The following ADARB2 variants were observed in gnomAD, a reference collection of about 807,000 sequenced individuals.
The protein encoded by ADARB2 is adenosine deaminase RNA specific B2 (inactive).
Under a neutral mutation model 62.2 loss-of-function variants are expected in ADARB2, and 25 were observed. That is an observed-to-expected ratio of 0.40 (90% CI 0.29 to 0.56). The LOEUF (loss-of-function observed/expected upper bound fraction) is 0.56, where lower values mean the gene tolerates loss of function less well. Ranked by LOEUF, ADARB2 falls within the 20% of genes least tolerant of loss-of-function variation. The pLI is 0.43. For synonymous variants in ADARB2, 572 were observed against 500.8 expected (o/e 1.14, Z -1.90); for missense variants, 1,071 against 1,077.4 (o/e 0.99, Z 0.08).
At chr10:1,610,804 A>T (rs985046455) in intron 1 of ADARB2, among the ~76,000 whole-genome samples, 16 of 144,762 alleles carry the variant, frequency 1.1e-4, no homozygotes, top group Admixed American at 3.4e-4. Context: ...GCACATGCAC[A>T]CATACAGACA....
chr10:1,697,960 G>C (rs1024286547), intron 1 of ADARB2, among the ~76,000 whole-genome samples: 1 of 152,230 alleles, frequency 6.6e-6, no homozygotes, highest in Non-Finnish European at 1.5e-5. Flanking sequence ...GGAATGGATA[G>C]TTTCTTATGC....
chr10:1,186,008 A>G (rs1836752544), intron 8 of ADARB2, among the ~76,000 whole-genome samples: 1 of 152,132 alleles, frequency 6.6e-6, no homozygotes, highest in Non-Finnish European at 1.5e-5. Context: ...CTGCCACAAG[A>G]TGTCTGGAAA....
chr10:1,508,060 C>A (rs143319587), intron 1 of ADARB2, among the ~76,000 whole-genome samples: 1 of 152,330 alleles, frequency 6.6e-6, no homozygotes, highest in Non-Finnish European at 1.5e-5. Flanking sequence ...GGAGATCACA[C>A]AATTCCCGAG....
intron 1 of ADARB2, among the ~76,000 whole-genome samples, chr10:1,727,839 CTT>C (rs894826828): frequency 3.9e-5 from 6 of 152,190 alleles, no homozygotes; most frequent in Middle Eastern, 3.2e-3. Flanking sequence ...ATGCCTCACT[CTT>C]TGCCTGTCTC....
intron 1 of ADARB2, among the ~76,000 whole-genome samples, chr10:1,577,688 T>G (rs2813378): frequency 0.32 from 47,992 of 151,884 alleles, 7,742 homozygotes; most frequent in African/African-American, 0.36. Context: ...AGCCCCACCA[T>G]CCCTGCCGCA....
At chr10:1,697,071 T>C (rs1188090505) in intron 1 of ADARB2, among the ~76,000 whole-genome samples, 1 of 152,104 alleles carries the variant, frequency 6.6e-6, no homozygotes, top group Non-Finnish European at 1.5e-5. Flanking sequence ...AGCCAAAAGA[T>C]TGGACACCCC....
chr10:1,390,993 T>A (rs1295254065), intron 1 of ADARB2, among the ~76,000 whole-genome samples: 1 of 152,198 alleles, frequency 6.6e-6, no homozygotes, highest in Admixed American at 6.5e-5. Context: ...CAACACCTGC[T>A]TTTTGGCTCA....
intron 1 of ADARB2, among the ~76,000 whole-genome samples, chr10:1,388,905 T>G (rs1832546414): frequency 6.6e-6 from 1 of 152,180 alleles, no homozygotes; most frequent in South Asian, 2.1e-4. Context: ...CGAAACAATA[T>G]TGATACTGCA....
At position 1,589,512 on chromosome 10, in the gene ADARB2, C is replaced by T. The variant is rs1436190559; in HGVS notation, c.100+147539G>A. ...ATGGTCAGGACATCCACGGTCGGGG[C>T]GTCCATGGTCCAGGCGTCCACAGTC... On this transcript the variant is annotated intron_variant, in intron 1 of 9. Coordinates refer to ENST00000381312, the MANE Select transcript of ADARB2 (RefSeq NM_018702.4). 2.0e-5 allele frequency among the ~76,000 whole-genome samples: 3 copies of T among 152,028 alleles called. No homozygotes were observed. The South Asian group carries it at 6.2e-4, about 32-fold the overall frequency.
At chr10:1,646,334 A>G (rs1009146934) in intron 1 of ADARB2, among the ~76,000 whole-genome samples, 3 of 152,206 alleles carry the variant, frequency 2.0e-5, no homozygotes, top group Non-Finnish European at 4.4e-5. Context: ...CACCCAGACC[A>G]TGTGCATCTT....
At chr10:1,629,542 CA>C (rs1465008738) in intron 1 of ADARB2, among the ~76,000 whole-genome samples, 2 of 132,308 alleles carry the variant, frequency 1.5e-5, no homozygotes, top group African/African-American at 5.5e-5. Context: ...CCCCAGTACT[CA>C]AACCCCCCCA....
At chr10:1,423,470 A>G (rs1046982013) in intron 1 of ADARB2, among the ~76,000 whole-genome samples, 3 of 152,122 alleles carry the variant, frequency 2.0e-5, no homozygotes, top group East Asian at 3.9e-4. Context: ...CTGCGTGTTC[A>G]TGGTGCTAGG....
intron 1 of ADARB2, among the ~76,000 whole-genome samples, chr10:1,608,330 C>A (rs544924481): frequency 1.3e-5 from 2 of 152,292 alleles, no homozygotes; most frequent in African/African-American, 4.8e-5. Context: ...GCCTGTGCTG[C>A]TGCTGAGATG....
intron 1 of ADARB2, among the ~76,000 whole-genome samples, chr10:1,575,805 C>T (rs1290145244): frequency 6.6e-6 from 1 of 152,152 alleles, no homozygotes; most frequent in Non-Finnish European, 1.5e-5. Context: ...TGGGGCAGTG[C>T]CAGGGTCGTT....
At chr10:1,404,427 C>T (rs540075002) in intron 1 of ADARB2, among the ~76,000 whole-genome samples, 16 of 152,340 alleles carry the variant, frequency 1.1e-4, no homozygotes, top group East Asian at 9.6e-4. Flanking sequence ...GCCCATTTGC[C>T]GGCTGCCATC....
At chr10:1,548,240 T>C (rs925721478) in intron 1 of ADARB2, among the ~76,000 whole-genome samples, 59 of 152,182 alleles carry the variant, frequency 3.9e-4, no homozygotes, top group African/African-American at 1.4e-3. Context: ...ACTAAGCCCA[T>C]TCCCGCAACT....
At chr10:1,696,244 T>C (rs1430809924) in intron 1 of ADARB2, among the ~76,000 whole-genome samples, 2 of 151,966 alleles carry the variant, frequency 1.3e-5, no homozygotes, top group Non-Finnish European at 2.9e-5. Flanking sequence ...TGTTTGTGTG[T>C]GCACATGTGC....
intron 3 of ADARB2, among the ~76,000 whole-genome samples, chr10:1,322,809 A>G (rs548737044): frequency 3.9e-5 from 6 of 152,354 alleles, no homozygotes; most frequent in African/African-American, 1.4e-4. Context: ...AGGAAAAAAC[A>G]TTTGGCATTA....
At chr10:1,579,450 G>A (rs1412792275) in intron 1 of ADARB2, among the ~76,000 whole-genome samples, 2 of 152,164 alleles carry the variant, frequency 1.3e-5, no homozygotes, top group Non-Finnish European at 2.9e-5. Flanking sequence ...CAAGAGAATT[G>A]TTGACTATGA....
Sources: gnomAD v4.1 joint callset for allele counts (sites outside exome capture counted in the v4.1 genomes callset) on GRCh38, gnomAD v4.1.1 for gene constraint, MANE v1.5 for transcripts, NCBI Gene and HGNC (gene_info 2026-07-23, HGNC 2026-07-21) for gene names.